The following KIF16B variants were observed in gnomAD, a reference collection of about 807,000 sequenced individuals.
KIF16B encodes kinesin-like protein KIF16B.
In KIF16B, 98 loss-of-function variants were observed where a neutral mutation model predicts 156.3. That is an observed-to-expected ratio of 0.63 (90% CI 0.53 to 0.74). KIF16B has a LOEUF of 0.74. KIF16B is among the 30% of genes least tolerant of loss of function. KIF16B has a pLI of 0.00. For synonymous variants in KIF16B, 564 were observed against 583.7 expected, an observed-to-expected ratio of 0.97 and a Z score of 0.49; for missense variants, 1,421 against 1,606.5, an observed-to-expected ratio of 0.88 and a Z score of 1.97.
chr20:16,359,654 C>CAAAA (rs577102110), intron 22 of KIF16B, among the ~76,000 whole-genome samples: 3 of 78,698 alleles, frequency 3.8e-5, no homozygotes, highest in Non-Finnish European at 5.4e-5. Context: ...AGATTCTTTA[C>CAAAA]AAAAAAAAAA....
At chr20:16,376,553 C>T (rs751736647) in intron 19 of KIF16B, among the ~76,000 whole-genome samples, 1 of 152,168 alleles carries the variant, frequency 6.6e-6, no homozygotes, top group Non-Finnish European at 1.5e-5. Flanking sequence ...GCGGGGGTAT[C>T]GCAGTCAGAG....
chr20:16,478,509 G>A (rs983774426), intron 12 of KIF16B, among the ~76,000 whole-genome samples: 1 of 152,066 alleles, frequency 6.6e-6, no homozygotes, highest in East Asian at 1.9e-4. Context: ...AAAATTCTAG[G>A]CAGAAACAAT....
At chr20:16,387,589 G>C (rs959516334) in intron 17 of KIF16B, among the ~76,000 whole-genome samples, 1 of 152,206 alleles carries the variant, frequency 6.6e-6, no homozygotes, top group Non-Finnish European at 1.5e-5. Flanking sequence ...TGCAAGATGA[G>C]TTAGTTTCAA....
intron 22 of KIF16B, among the ~76,000 whole-genome samples, chr20:16,369,935 G>C (rs1172904286): frequency 6.6e-6 from 1 of 152,204 alleles, no homozygotes; most frequent in Admixed American, 6.5e-5. Flanking sequence ...ATCATTACTG[G>C]ATGACTGGCA....
At chr20:16,330,088 C>T (rs1453131125) in intron 24 of KIF16B, among the ~76,000 whole-genome samples, 1 of 152,174 alleles carries the variant, frequency 6.6e-6, no homozygotes, top group Non-Finnish European at 1.5e-5. Flanking sequence ...CCCAACTTCC[C>T]AGAATTTTAT....
intron 23 of KIF16B, among the ~76,000 whole-genome samples, chr20:16,352,227 A>C (rs2064351379): frequency 6.6e-6 from 1 of 152,228 alleles, no homozygotes; most frequent in Non-Finnish European, 1.5e-5. Context: ...ACACTCATCC[A>C]ACTACACTTA....
At chr20:16,506,679 G>A (rs1465694822) in intron 7 of KIF16B, among the ~76,000 whole-genome samples, 2 of 151,834 alleles carry the variant, frequency 1.3e-5, no homozygotes, top group Non-Finnish European at 2.9e-5. Flanking sequence ...TATATTCCTC[G>A]CTTCTGAATT....
chr20:16,413,567 T>C (rs2066010914), intron 15 of KIF16B, among the ~76,000 whole-genome samples: 2 of 152,148 alleles, frequency 1.3e-5, no homozygotes, highest in Non-Finnish European at 2.9e-5. Context: ...TTACAAATAC[T>C]ACAAACATAT....
At chr20:16,333,137 G>A (rs1052416221) in intron 24 of KIF16B, among the ~76,000 whole-genome samples, 1 of 152,054 alleles carries the variant, frequency 6.6e-6, no homozygotes, top group African/African-American at 2.4e-5. Flanking sequence ...CACTTTTCCA[G>A]GCCTTTTTGT....
intron 15 of KIF16B, among the ~76,000 whole-genome samples, chr20:16,423,527 G>C (rs2066276729): frequency 6.6e-6 from 1 of 152,124 alleles, no homozygotes. Context: ...TAGTGACCTT[G>C]TTCTACTCAT....
chr20:16,448,901 AGG>A (rs1491557982), intron 12 of KIF16B, among the ~76,000 whole-genome samples: 4 of 151,770 alleles, frequency 2.6e-5, no homozygotes, highest in African/African-American at 4.8e-5. Flanking sequence ...AGAGAGAGAG[AGG>A]GAGGAAACAA....
At chr20:16,404,962 G>A (rs2065745386) in intron 16 of KIF16B, 61 bp from the exon 17 acceptor site, 2 of 1,165,216 alleles carry the variant, frequency 1.7e-6, no homozygotes, top group African/African-American at 3.0e-5. Context: ...CACTGCTCTG[G>A]ACTCATTGCT....
intron 17 of KIF16B, among the ~76,000 whole-genome samples, chr20:16,400,044 TC>T (rs1403389478): frequency 6.6e-6 from 1 of 152,204 alleles, no homozygotes; most frequent in Non-Finnish European, 1.5e-5. Context: ...ACCATGCTGC[TC>T]CTTGGCTACA....
intron 17 of KIF16B, among the ~76,000 whole-genome samples, chr20:16,389,190 A>G (rs1053791794): frequency 1.3e-5 from 2 of 152,150 alleles, no homozygotes; most frequent in East Asian, 1.9e-4. Context: ...GCTACTGTCA[A>G]ATATAGGGAT....
At chr20:16,314,398 G>T (rs1231553380) in intron 24 of KIF16B, among the ~76,000 whole-genome samples, 1 of 152,212 alleles carries the variant, frequency 6.6e-6, no homozygotes, top group East Asian at 1.9e-4. Flanking sequence ...TCCCCCTAGT[G>T]TTCTTTCTAC....
At chr20:16,392,860 T>C (rs549018956) in intron 17 of KIF16B, among the ~76,000 whole-genome samples, 111 of 152,348 alleles carry the variant, frequency 7.3e-4, no homozygotes, top group African/African-American at 2.6e-3. Context: ...GAAAGAATTC[T>C]GGGCGTGGAT....
chr20:16,280,836 G>A lies in KIF16B; in HGVS notation c.3796-7425C>T, dbSNP rs1004848360. Among the ~76,000 whole-genome samples the A allele has an allele frequency of 7.2e-5, 10 of 138,990 alleles. No individual in the cohort carries two copies. In the East Asian group the frequency reaches 7.9e-4, roughly 11 times the overall value. The allele number at this position is 138,990 out of a possible 152,430, so 91.2% of individuals were successfully genotyped here. On this transcript the variant is annotated intron_variant, in intron 25 of 25. Transcript: ENST00000354981. ...CCTGAATTTCAGTCAACTGCTGCGC[G>A]CGCACGTGTGTGTGTGTGTGTGTGT...
At chr20:16,383,149 T>A (rs1465161988) in intron 17 of KIF16B, among the ~76,000 whole-genome samples, 1 of 152,174 alleles carries the variant, frequency 6.6e-6, no homozygotes, top group Non-Finnish European at 1.5e-5. Context: ...GTGGCTTTTT[T>A]AGGCAGAACT....
At chr20:16,343,664 T>C (rs573400536) in intron 23 of KIF16B, among the ~76,000 whole-genome samples, 17 of 152,310 alleles carry the variant, frequency 1.1e-4, no homozygotes, top group African/African-American at 3.8e-4. Flanking sequence ...ACAAGAAATA[T>C]ATTCCTAAAG....
Sources: allele counts gnomAD v4.1 joint callset (sites outside exome capture counted in the v4.1 genomes callset), GRCh38; gene constraint gnomAD v4.1.1; transcripts MANE v1.5; gene names NCBI Gene and HGNC (gene_info 2026-07-23, HGNC 2026-07-21).